The following SMCHD1 variants were observed in gnomAD, a reference collection of about 807,000 sequenced individuals.
The protein encoded by SMCHD1 is structural maintenance of chromosomes flexible hinge domain-containing protein 1.
A neutral mutation model predicts 254.7 loss-of-function variants in SMCHD1; 78 were observed. That is an observed-to-expected ratio of 0.31 (90% CI 0.26 to 0.37). The LOEUF (loss-of-function observed/expected upper bound fraction) is 0.37, where lower values mean the gene tolerates loss of function less well. SMCHD1 is among the 10% of genes least tolerant of loss of function. The probability of loss-of-function intolerance (pLI) is 1.00; values close to 1 mark genes in which losing one functional copy is unlikely to be tolerated. For synonymous variants in SMCHD1, 766 were observed against 794.9 expected (o/e 0.96, Z 0.61); for missense variants, 1,840 against 2,408.1 (o/e 0.76, Z 4.94).
At chr18:2,747,969 T>C (rs1376978036) in intron 30 of SMCHD1, among the ~76,000 whole-genome samples, 2 of 152,160 alleles carry the variant, frequency 1.3e-5, no homozygotes, top group Non-Finnish European at 2.9e-5. Flanking sequence ...AAGACAGATA[T>C]CACAGTGACC....
Position 2,760,641 on chromosome 18 carries a change from T to C in SMCHD1, c.4347-11T>C. The C allele has an allele frequency of 6.9e-7, 1 of 1,443,720 alleles. No homozygotes were observed. The highest frequency in any genetic ancestry group is 1.4e-5 in the African/African-American group (1 of 71,570). The allele number at this position is 1,443,720 out of a possible 1,614,324, so 89.4% of individuals were successfully genotyped here. A position where few individuals can be genotyped will look rare whatever the true frequency, so the allele number is the denominator to read the frequency against. ...ACATTGTCAGTAATCTTAACTTTCT[T>C]TTAAATTTAGGGATAAAGTAATTCC... On this transcript the variant is annotated splice_polypyrimidine_tract_variant and intron_variant, in intron 34 of 47. Coordinates refer to ENST00000320876, the MANE Select transcript of SMCHD1 (RefSeq NM_015295.3).
intron 19 of SMCHD1, among the ~76,000 whole-genome samples, chr18:2,719,994 CA>C (rs1487331389): frequency 1.3e-5 from 2 of 151,480 alleles, no homozygotes; most frequent in Non-Finnish European, 2.9e-5. Flanking sequence ...TTTTAAAAAA[CA>C]TTTTTTTGTA....
At position 2,728,526 on chromosome 18, in the gene SMCHD1, C is replaced by A; in HGVS notation, c.2843C>A (p.Pro948Gln). 1 of 1,613,116 alleles carries A rather than the reference C, an allele frequency of 6.2e-7. No individual in the cohort carries two copies. Among genetic ancestry groups the A allele is most frequent in the Non-Finnish European group, 8.5e-7 (1 of 1,179,466 alleles). Residue 948 changes from proline to glutamine, a missense_variant, in exon 23 of 48, where the codon CCA becomes CAA. Physicochemically the swap from Pro to Gln is moderately conservative, Grantham distance 76 (BLOSUM62 -1). Coordinates refer to ENST00000320876, the MANE Select transcript of SMCHD1 (RefSeq NM_015295.3). ...ILVIENGTAF[P>Q]FQVEVLDESD... ...GTTATAGAAAATGGAACAGCTTTCCCATTTCAGGTGGAAGTTTTAGATGAA... is the reference window on the plus strand; with the variant it reads ...GTTATAGAAAATGGAACAGCTTTCCAATTTCAGGTGGAAGTTTTAGATGAA...
intron 1 of SMCHD1, among the ~76,000 whole-genome samples, chr18:2,664,359 G>T (rs1038757366): frequency 1.6e-4 from 24 of 148,236 alleles, no homozygotes; most frequent in Middle Eastern, 3.5e-3. Context: ...CATTAAATTT[G>T]TTTTTTTTTT....
intron 1 of SMCHD1, among the ~76,000 whole-genome samples, chr18:2,657,310 C>T (rs1338797718): frequency 6.6e-6 from 1 of 152,264 alleles, no homozygotes; most frequent in African/African-American, 2.4e-5. Context: ...ACTGTGCCTG[C>T]GACATTGTAA....
intron 1 of SMCHD1, among the ~76,000 whole-genome samples, chr18:2,659,303 A>G (rs2073174499): frequency 6.6e-6 from 1 of 152,168 alleles, no homozygotes; most frequent in East Asian, 1.9e-4. Context: ...CTTTTAGTAG[A>G]GATGGGGTTT....
chr18:2,735,630 T>G (rs910241019), intron 25 of SMCHD1, among the ~76,000 whole-genome samples: 1 of 152,112 alleles, frequency 6.6e-6, no homozygotes, highest in Non-Finnish European at 1.5e-5. Flanking sequence ...CTGTACTACG[T>G]TTTAAGCTGA....
At chr18:2,670,256 A>T (rs1377753778) in intron 3 of SMCHD1, among the ~76,000 whole-genome samples, 1 of 151,916 alleles carries the variant, frequency 6.6e-6, no homozygotes, top group Non-Finnish European at 1.5e-5. Context: ...ACTGCCATCC[A>T]TATTCTCAGC....
intron 47 of SMCHD1, among the ~76,000 whole-genome samples, chr18:2,797,118 A>T (rs1471387317): frequency 6.6e-6 from 1 of 152,188 alleles, no homozygotes; most frequent in Non-Finnish European, 1.5e-5. Context: ...GGCTCATTGC[A>T]TTCTCTTTCA....
chr18:2,804,655 A>G lies in SMCHD1; in HGVS notation c.*2103A>G, dbSNP rs73367820. 1 of 152,110 alleles carries G rather than the reference A, an allele frequency of 6.6e-6. No homozygotes were observed. The highest frequency in any genetic ancestry group is 1.9e-4 in the East Asian group (1 of 5,206). 9.4% of individuals were successfully genotyped at this position (152,110 alleles called of 1,614,324 possible). On this transcript the variant is annotated 3_prime_UTR_variant, in exon 48 of 48. Transcript: ENST00000320876. The stretch of plus-strand genomic sequence containing the variant: ...AGTTTTTCTATATTTTCACAGTTGG[A>G]TTTATCTAAGGATATTTCTCAGCAT...
At chr18:2,786,191 T>G (rs1343275363) in intron 45 of SMCHD1, among the ~76,000 whole-genome samples, 1 of 152,032 alleles carries the variant, frequency 6.6e-6, no homozygotes, top group Non-Finnish European at 1.5e-5. Context: ...CTTTTGTATC[T>G]TTAGTAGAGA....
chr18:2,702,474 G>A (rs1433853981), intron 12 of SMCHD1, among the ~76,000 whole-genome samples: 1 of 152,098 alleles, frequency 6.6e-6, no homozygotes, highest in Non-Finnish European at 1.5e-5. Flanking sequence ...TTGGTTGATA[G>A]TGAATCCATC....
intron 7 of SMCHD1, among the ~76,000 whole-genome samples, chr18:2,690,026 A>C (rs1380073951): frequency 6.6e-6 from 1 of 152,070 alleles, no homozygotes; most frequent in Non-Finnish European, 1.5e-5. Context: ...AACAATAAAA[A>C]ATTTTTAAAA....
chr18:2,777,069 C>CCG (rs1555653820), intron 42 of SMCHD1, among the ~76,000 whole-genome samples: 1 of 148,680 alleles, frequency 6.7e-6, no homozygotes, highest in South Asian at 2.3e-4. Context: ...ACCTCCCCCC[C>CCG]CCATACCCTA....
intron 17 of SMCHD1, among the ~76,000 whole-genome samples, chr18:2,711,782 T>A (rs1308184502): frequency 6.6e-6 from 1 of 152,198 alleles, no homozygotes; most frequent in Non-Finnish European, 1.5e-5. Context: ...GCGCCCGGCC[T>A]GGATGTTTGT....
chr18:2,670,672 G>A (rs1417885257), intron 3 of SMCHD1, among the ~76,000 whole-genome samples: 1 of 151,954 alleles, frequency 6.6e-6, no homozygotes, highest in Non-Finnish European at 1.5e-5. Flanking sequence ...AAGCCCCGGC[G>A]GGCAGATTAC....
At chr18:2,707,369 T>TA in intron 15 of SMCHD1, 194 bp from the exon 16 acceptor site, 1 of 353,326 alleles carries the variant, frequency 2.8e-6, no homozygotes, top group Non-Finnish European at 5.1e-6. Context: ...TTTTTCTTCT[T>TA]CTTTTTTTTC....
intron 7 of SMCHD1, among the ~76,000 whole-genome samples, chr18:2,690,178 T>G (rs1459925205): frequency 1.3e-5 from 2 of 152,222 alleles, no homozygotes; most frequent in African/African-American, 4.8e-5. Context: ...TTCCTTCTAA[T>G]TCAGCTTTTT....
rs59034633 is a variant in SMCHD1, at chr18:2,679,480, C to CAAAAAAAAA, written c.638+5346_638+5354dup. Among the ~76,000 whole-genome samples, 239 of 58,614 alleles carry CAAAAAAAAA rather than the reference C, an allele frequency of 4.1e-3. 13 individuals carry two copies. The highest frequency in any genetic ancestry group is 0.024 in the Middle Eastern group (2 of 82). 38.5% of individuals were successfully genotyped at this position (58,614 alleles called of 152,430 possible). On this transcript the variant is annotated intron_variant, in intron 5 of 47. Coordinates refer to ENST00000320876, the MANE Select transcript of SMCHD1 (RefSeq NM_015295.3). ...GGGTGACAGAGCGAGACTCCATCTC[C>CAAAAAAAAA]AAAAAAAAAAAAAAAAAAAGGAACT...
Sources: allele counts gnomAD v4.1 joint callset (sites outside exome capture counted in the v4.1 genomes callset), GRCh38; gene constraint gnomAD v4.1.1; transcripts MANE v1.5; gene names NCBI Gene and HGNC (gene_info 2026-07-23, HGNC 2026-07-21).